DAPK2: variants seen among roughly 807,000 people sequenced by gnomAD.
The protein encoded by DAPK2 is death-associated protein kinase 2.
In DAPK2, 35 loss-of-function variants were observed where a neutral mutation model predicts 44.1. The observed-to-expected ratio is 0.79, with a 90% CI of 0.61 to 1.05. DAPK2 has a LOEUF of 1.05. DAPK2 is among the 50% of genes least tolerant of loss of function. The pLI is 0.00. For missense variants in DAPK2, 453 were observed against 483.2 expected (o/e 0.94, Z 0.59); for synonymous variants, 174 against 182.6 (o/e 0.95, Z 0.38).
At position 64,006,105 on chromosome 15, in the gene DAPK2, G is replaced by T. The variant is rs146605548; in HGVS notation, c.93-22351C>A. Among the ~76,000 whole-genome samples the T allele has an allele frequency of 1.3e-3, 191 of 150,962 alleles. 1 individual carries two copies. The highest frequency in any genetic ancestry group is 4.2e-3 in the African/African-American group (172 of 41,140). ...GTACAAACCCAGCCAGCTCAGCATG[G>T]TTCTCCCTATGGCCTCTCCTGGCAT... is the stretch of plus-strand genomic sequence containing the variant. On this transcript the variant is annotated intron_variant, in intron 1 of 10. Transcript: ENST00000261891.
intron 10 of DAPK2, chr15:63,911,565 C>T (rs1407399490): frequency 1.3e-5 from 4 of 306,334 alleles, no homozygotes; most frequent in Non-Finnish European, 2.4e-5. Context: ...GTAAAGCTCC[C>T]ATTCTAAAGC....
chr15:64,025,492 G>A (rs1397216860), intron 1 of DAPK2, among the ~76,000 whole-genome samples: 2 of 152,136 alleles, frequency 1.3e-5, no homozygotes, highest in African/African-American at 2.4e-5. Context: ...AGGGGCAGCT[G>A]GCCTCTGCTC....
chr15:63,960,910 TTC>T (rs2077881100), intron 3 of DAPK2, among the ~76,000 whole-genome samples: 1 of 152,182 alleles, frequency 6.6e-6, no homozygotes, highest in Non-Finnish European at 1.5e-5. Flanking sequence ...CTTGTTAACT[TTC>T]TGTCTTGTTG....
chr15:63,964,378 TCTTGA>T, intron 3 of DAPK2, among the ~76,000 whole-genome samples: 1 of 152,330 alleles, frequency 6.6e-6, no homozygotes, highest in African/African-American at 2.4e-5. Context: ...CTTTCTTTAC[TCTTGA>T]CTTTTGGGAG....
rs1166497885 is a variant in DAPK2, at chr15:63,992,309, G to T, written c.93-8555C>A. Among the ~76,000 whole-genome samples the T allele has an allele frequency of 3.9e-5, 6 of 151,986 alleles. No individual in the cohort carries two copies. The South Asian group carries it at 1.2e-3, about 32-fold the overall frequency. Reference sequence around the variant, plus strand: ...ATTCTAGACACTAAACATGATGTAGGTTACTGAGGAAATGCTGGGCTTGGA... The same window carrying T: ...ATTCTAGACACTAAACATGATGTAGTTTACTGAGGAAATGCTGGGCTTGGA... On this transcript the variant is annotated intron_variant, in intron 1 of 10. Transcript: ENST00000261891.
At chr15:64,032,224 G>A (rs992885204) in intron 1 of DAPK2, among the ~76,000 whole-genome samples, 1 of 152,192 alleles carries the variant, frequency 6.6e-6, no homozygotes, top group Non-Finnish European at 1.5e-5. Flanking sequence ...ACGTGGTCCA[G>A]AATAAGAGGG....
intron 3 of DAPK2, among the ~76,000 whole-genome samples, chr15:63,961,616 G>A (rs2077902951): frequency 6.6e-6 from 1 of 152,184 alleles, no homozygotes; most frequent in South Asian, 2.1e-4. Flanking sequence ...TAGTTTGCTA[G>A]ATGTGAGATT....
intron 2 of DAPK2, among the ~76,000 whole-genome samples, chr15:63,982,112 A>G (rs528698408): frequency 3.4e-4 from 52 of 152,038 alleles, no homozygotes; most frequent in African/African-American, 1.2e-3. Flanking sequence ...AGGGCACAAA[A>G]TCAGGGATTC....
intron 1 of DAPK2, among the ~76,000 whole-genome samples, chr15:63,999,986 C>T (rs951742762): frequency 1.3e-4 from 20 of 151,896 alleles, no homozygotes; most frequent in Non-Finnish European, 2.1e-4. Flanking sequence ...AGGCTGGTCT[C>T]GAACTCCTGG....
chr15:63,918,390 G>T (rs2078984904), intron 8 of DAPK2: 1 of 152,332 alleles, frequency 6.6e-6, no homozygotes, highest in Admixed American at 6.5e-5. Context: ...ATGCTAGGCT[G>T]TGAGCACCTG....
rs989980200 is a variant in DAPK2 at position 63,985,683 on chromosome 15, T to C, written c.93-1929A>G. Among the ~76,000 whole-genome samples the C allele has an allele frequency of 4.6e-5, 7 of 152,096 alleles. No homozygotes were observed. In the South Asian group the frequency reaches 6.2e-4, roughly 14 times the overall value. On this transcript the variant is annotated intron_variant, in intron 1 of 10. Transcript: ENST00000261891. ...CGCAGGGCTTGGCTTGGCATCCAAATCCCCCAGCTCCCAGCCCTGCACTGT... is the reference window on the plus strand; with the variant it reads ...CGCAGGGCTTGGCTTGGCATCCAAACCCCCCAGCTCCCAGCCCTGCACTGT...
intron 3 of DAPK2, among the ~76,000 whole-genome samples, chr15:63,948,546 G>A (rs1350580200): frequency 6.6e-6 from 1 of 152,038 alleles, no homozygotes; most frequent in African/African-American, 2.4e-5. Flanking sequence ...CCGCCCCCAA[G>A]ATCCAGTCAC....
At chr15:63,981,089 CAAAAA>C (rs57421161) in intron 2 of DAPK2, among the ~76,000 whole-genome samples, 2 of 137,638 alleles carry the variant, frequency 1.5e-5, no homozygotes, top group Admixed American at 7.1e-5. Flanking sequence ...GACTCCATCT[CAAAAA>C]AAAAAAAAAA....
At chr15:63,998,261 G>A (rs973341780) in intron 1 of DAPK2, among the ~76,000 whole-genome samples, 1 of 152,180 alleles carries the variant, frequency 6.6e-6, no homozygotes, top group Non-Finnish European at 1.5e-5. Context: ...AATCACCTCC[G>A]TCCTCAGGGA....
At chr15:63,924,636 A>C in intron 8 of DAPK2, 180 bp downstream of exon 9, 1 of 600,264 alleles carries the variant, frequency 1.7e-6, no homozygotes, top group Non-Finnish European at 3.0e-6. Flanking sequence ...ATAGCAAGCA[A>C]ATAAACCTAT....
At chr15:63,927,615 G>C (rs2079335490) in intron 6 of DAPK2, among the ~76,000 whole-genome samples, 1 of 152,178 alleles carries the variant, frequency 6.6e-6, no homozygotes, top group Admixed American at 6.5e-5. Context: ...CAGCAAGCAG[G>C]GAAGACCCTC....
rs571622599 is a variant in DAPK2, at chr15:63,923,079, G to A, written c.858+1737C>T. 1.1e-5 allele frequency: 17 copies of A among 1,535,636 alleles called. No individual in the cohort carries two copies. Among genetic ancestry groups the A allele is most frequent in the Middle Eastern group, 1.7e-4 (1 of 6,006 alleles). Reference sequence around the variant, plus strand: ...TGCCGGGCGCTCTCATTCTCCTCTCGGTACCAAGCTTCCTTCTCATTGAAG... The same window carrying A: ...TGCCGGGCGCTCTCATTCTCCTCTCAGTACCAAGCTTCCTTCTCATTGAAG... On this transcript the variant is annotated intron_variant, in intron 8 of 10. Transcript: ENST00000261891. This position sits in a 1 kb window ranked among gnomAD's most constrained non-coding sequence, Gnocchi z 4.2.
exon 2 of DAPK2, chr15:63,983,537 C>T (rs1285648001): frequency 1.9e-6 from 3 of 1,614,086 alleles, no homozygotes; most frequent in Admixed American, 3.3e-5. Context: ...ACTCACAGCT[C>T]AAGGATGAGC....
At position 63,923,004 on chromosome 15, in the gene DAPK2, T is replaced by C. The variant is rs2079124808; in HGVS notation, c.858+1812A>G. ...GCCTGGATGTCTTCTCGCAGCAGCT[T>C]CTTCAATGACTCCACCTTGCGGAAC... On this transcript the variant is annotated intron_variant, in intron 8 of 10. Transcript: ENST00000261891. The surrounding 1 kb of genome is among the most constrained non-coding windows in gnomAD (Gnocchi z 4.2). 22 of 1,535,760 alleles carry C rather than the reference T, an allele frequency of 1.4e-5. No homozygotes were observed. The highest frequency in any genetic ancestry group is 1.9e-5 in the Non-Finnish European group (22 of 1,146,734).
Sources: gnomAD v4.1 joint callset for allele counts (sites outside exome capture counted in the v4.1 genomes callset) on GRCh38, gnomAD v4.1.1 for gene constraint, Gnocchi (gnomAD v3.1) non-coding constraint, MANE v1.5 for transcripts, NCBI Gene and HGNC (gene_info 2026-07-23, HGNC 2026-07-21) for gene names.